The following DAB1 variants were observed in gnomAD, a reference collection of about 807,000 sequenced individuals.
The protein encoded by DAB1 is DAB adaptor protein 1, also known as disabled homolog 1.
In DAB1, 15 loss-of-function variants were observed where a neutral mutation model predicts 64.6. The observed-to-expected ratio is 0.23, with a 90% CI of 0.16 to 0.36. The LOEUF is 0.36. Ranked by LOEUF, DAB1 falls within the 10% of genes least tolerant of loss-of-function variation. DAB1 has a pLI of 1.00. For synonymous variants in DAB1, 235 were observed against 251.9 expected (o/e 0.93, Z 0.64); for missense variants, 596 against 706.7 (o/e 0.84, Z 1.78).
In DAB1 at chr1:57,994,450, C is replaced by T. The variant is rs150099913; in HGVS notation, n.388-110288G>A. Among the ~76,000 whole-genome samples the T allele has an allele frequency of 1.7e-4, 26 of 152,192 alleles. 1 individual carries two copies. The East Asian group carries it at 4.1e-3, about 24-fold the overall frequency. Reference sequence around the variant, plus strand: ...GAGAAGTGAGGTCAGAAGCTGAAGCCGTTGTGTTTGTAAGAGACTCAGAGC... The same window carrying T: ...GAGAAGTGAGGTCAGAAGCTGAAGCTGTTGTGTTTGTAAGAGACTCAGAGC... On this transcript the variant is annotated intron_variant and non_coding_transcript_variant, in intron 5 of 20. Transcript: ENST00000485760.
intron 1 of DAB1, among the ~76,000 whole-genome samples, chr1:57,398,404 C>A (rs969805578): frequency 6.6e-6 from 1 of 152,102 alleles, no homozygotes; most frequent in Admixed American, 6.5e-5. Context: ...AGGAGTTCAA[C>A]AGGCAGTGAT....
chr1:58,236,057 G>T lies in DAB1; in HGVS notation n.310-85469C>A, dbSNP rs533869870. On this transcript the variant is annotated intron_variant and non_coding_transcript_variant, in intron 4 of 20. Coordinates refer to the DAB1 transcript ENST00000485760. The stretch of plus-strand genomic sequence containing the variant: ...GGGGCAGCAGAAAGACGAGAGCAAG[G>T]CTTCAAGGATCCTGGGCCTACCCCT... 7.2e-5 allele frequency among the ~76,000 whole-genome samples: 11 copies of T among 152,198 alleles called. No homozygotes were observed. The East Asian group carries it at 2.1e-3, about 29-fold the overall frequency.
chr1:58,354,525 G>A (rs952747437), intron 3 of DAB1, among the ~76,000 whole-genome samples: 2 of 152,144 alleles, frequency 1.3e-5, no homozygotes, highest in Admixed American at 1.3e-4. Flanking sequence ...AATGAAACAA[G>A]TCGAACAGTG....
At chr1:58,193,913 T>A (rs921094413) in intron 4 of DAB1, among the ~76,000 whole-genome samples, 5 of 150,780 alleles carry the variant, frequency 3.3e-5, no homozygotes, top group Non-Finnish European at 1.5e-5. Flanking sequence ...GTAAAGTAAC[T>A]AAGTAACTTA....
intron 7 of DAB1, among the ~76,000 whole-genome samples, chr1:57,557,419 T>C (rs984305839): frequency 3.3e-5 from 5 of 152,020 alleles, no homozygotes; most frequent in South Asian, 2.1e-4. Flanking sequence ...TATATATATA[T>C]ACACACACAC....
intron 4 of DAB1, among the ~76,000 whole-genome samples, chr1:58,198,034 G>A (rs1407231663): frequency 6.6e-6 from 1 of 152,208 alleles, no homozygotes; most frequent in Non-Finnish European, 1.5e-5. Context: ...AGAAGGATCT[G>A]TCAGCATCAT....
At chr1:57,222,322 C>G (rs1666942769) in intron 2 of DAB1, among the ~76,000 whole-genome samples, 1 of 152,072 alleles carries the variant, frequency 6.6e-6, no homozygotes, top group African/African-American at 2.4e-5. Flanking sequence ...ACTTCTGGTC[C>G]TATCCTGAGG....
At position 57,053,688 on chromosome 1, in the gene DAB1, A is replaced by ATATATT. The variant is rs1447741565; in HGVS notation, c.723+9195_723+9196insAATATA. Among the ~76,000 whole-genome samples, 264 of 71,402 alleles carry ATATATT rather than the reference A, an allele frequency of 3.7e-3. 3 individuals carry two copies. Among genetic ancestry groups the ATATATT allele is most frequent in the Middle Eastern group, 0.016 (1 of 62 alleles). The allele number at this position is 71,402 out of a possible 152,430, so 46.8% of individuals were successfully genotyped here. A position where few individuals can be genotyped will look rare whatever the true frequency, so the allele number is the denominator to read the frequency against. ...TATGTATATATATATATATATATAT[A>ATATATT]TTTTTTTTTTTTTTTTTGAGACGGA... is the stretch of plus-strand genomic sequence containing the variant. On this transcript the variant is annotated intron_variant, in intron 9 of 14. Coordinates refer to ENST00000371236, the MANE Select transcript of DAB1 (RefSeq NM_001365792.1).
intron 4 of DAB1, among the ~76,000 whole-genome samples, chr1:58,234,794 G>A (rs765901994): frequency 2.2e-4 from 33 of 152,206 alleles, no homozygotes; most frequent in Non-Finnish European, 4.7e-4. Flanking sequence ...GCAATGGAGA[G>A]CCATTGAAGG....
At chr1:58,320,674 A>G (rs1662660260) in intron 4 of DAB1, among the ~76,000 whole-genome samples, 1 of 152,144 alleles carries the variant, frequency 6.6e-6, no homozygotes, top group African/African-American at 2.4e-5. Flanking sequence ...TACAATACTA[A>G]TTATTCAAGG....
At chr1:58,151,305 A>T (rs1011364461) in intron 4 of DAB1, among the ~76,000 whole-genome samples, 2 of 152,212 alleles carry the variant, frequency 1.3e-5, no homozygotes, top group Non-Finnish European at 2.9e-5. Context: ...TTACAGTCCC[A>T]CCAACAGTGT....
chr1:57,451,388 C>T (rs1044414610), intron 7 of DAB1, among the ~76,000 whole-genome samples: 18 of 152,056 alleles, frequency 1.2e-4, no homozygotes, highest in African/African-American at 3.1e-4. Context: ...ATAGAGTGTC[C>T]GATTTCTGCA....
At chr1:58,277,924 T>C (rs1569595601) in intron 4 of DAB1, among the ~76,000 whole-genome samples, 2 of 152,336 alleles carry the variant, frequency 1.3e-5, no homozygotes, top group South Asian at 4.1e-4. Flanking sequence ...CACACCTGGA[T>C]TGTAATCTGC....
At chr1:57,762,264 G>A (rs1440272778) in intron 6 of DAB1, among the ~76,000 whole-genome samples, 2 of 151,684 alleles carry the variant, frequency 1.3e-5, no homozygotes, top group South Asian at 2.1e-4. Context: ...AGAGGCCTGC[G>A]TCCCTTCCAA....
At chr1:58,529,401 A>G (rs1245680520) in intron 1 of DAB1, among the ~76,000 whole-genome samples, 1 of 152,266 alleles carries the variant, frequency 6.6e-6, no homozygotes, top group Non-Finnish European at 1.5e-5. Flanking sequence ...CAAAGTAGTT[A>G]TAAAGATTGC....
At chr1:57,413,035 A>G (rs1223193768) in intron 1 of DAB1, among the ~76,000 whole-genome samples, 1 of 152,184 alleles carries the variant, frequency 6.6e-6, no homozygotes, top group Non-Finnish European at 1.5e-5. Flanking sequence ...CTACTTTACT[A>G]TTGTGAAAAT....
intron 2 of DAB1, among the ~76,000 whole-genome samples, chr1:57,238,329 A>G (rs1006593876): frequency 3.9e-5 from 6 of 152,236 alleles, no homozygotes; most frequent in Admixed American, 3.3e-4. Flanking sequence ...GAATGTAGCA[A>G]GAGGCTTACA....
intron 2 of DAB1, among the ~76,000 whole-genome samples, chr1:58,507,348 C>A (rs984923266): frequency 2.6e-5 from 4 of 151,594 alleles, no homozygotes; most frequent in Non-Finnish European, 5.9e-5. Flanking sequence ...ATTGTGAAAC[C>A]CCAAAAGGCA....
At chr1:58,459,177 G>A (rs372044754) in intron 3 of DAB1, among the ~76,000 whole-genome samples, 69 of 152,342 alleles carry the variant, frequency 4.5e-4, no homozygotes, top group African/African-American at 1.6e-3. Flanking sequence ...CAGAGAGTGG[G>A]CTCAGGATTT....
Sources: gnomAD v4.1 joint callset for allele counts (sites outside exome capture counted in the v4.1 genomes callset) on GRCh38, gnomAD v4.1.1 for gene constraint, MANE v1.5 for transcripts, NCBI Gene and HGNC (gene_info 2026-07-23, HGNC 2026-07-21) for gene names.